Variants in ZDHHC14 observed in about 807,000 individuals in gnomAD.
ZDHHC14 encodes the protein palmitoyltransferase ZDHHC14.
A neutral mutation model predicts 47.7 loss-of-function variants in ZDHHC14; 16 were observed. The observed-to-expected ratio is 0.34, with a 90% CI of 0.23 to 0.51. The LOEUF is 0.51. ZDHHC14 is among the 20% of genes least tolerant of loss of function. The pLI is 0.97. For missense variants in ZDHHC14, 515 were observed against 662.5 expected, an observed-to-expected ratio of 0.78 and a Z score of 2.44; for synonymous variants, 293 against 278.9, an observed-to-expected ratio of 1.05 and a Z score of -0.50.
At chr6:157,629,237 T>C (rs188834553) in intron 4 of ZDHHC14, among the ~76,000 whole-genome samples, 6 of 152,356 alleles carry the variant, frequency 3.9e-5, no homozygotes, top group Admixed American at 3.3e-4. Flanking sequence ...CAATAGAAAG[T>C]GATGAGAAGG....
At chr6:157,633,173 G>A (rs1003616045) in intron 5 of ZDHHC14, among the ~76,000 whole-genome samples, 1 of 152,186 alleles carries the variant, frequency 6.6e-6, no homozygotes. Flanking sequence ...AAGTAGGGCT[G>A]TGAGCTGCAA....
intron 2 of ZDHHC14, among the ~76,000 whole-genome samples, chr6:157,567,370 G>A (rs1224079864): frequency 6.6e-6 from 1 of 152,174 alleles, no homozygotes; most frequent in East Asian, 1.9e-4. Flanking sequence ...GCCAGGCAAT[G>A]TCCACTTCTT....
intron 1 of ZDHHC14, among the ~76,000 whole-genome samples, chr6:157,509,977 G>A (rs1312991025): frequency 6.6e-6 from 1 of 152,240 alleles, no homozygotes; most frequent in Non-Finnish European, 1.5e-5. Flanking sequence ...GGGTGCGGTG[G>A]CTCACGCCTG....
At chr6:157,603,741 TC>T (rs1223960283) in intron 3 of ZDHHC14, among the ~76,000 whole-genome samples, 2 of 152,280 alleles carry the variant, frequency 1.3e-5, no homozygotes, top group Non-Finnish European at 1.5e-5. Flanking sequence ...GGTTCAGGTC[TC>T]CTCAAATGTT....
At chr6:157,559,610 C>T (rs1377585624) in intron 2 of ZDHHC14, among the ~76,000 whole-genome samples, 2 of 152,228 alleles carry the variant, frequency 1.3e-5, no homozygotes, top group Non-Finnish European at 2.9e-5. Flanking sequence ...TGTTTCCTGG[C>T]ACTTCTTCTC....
chr6:157,599,493 G>A (rs1380463882), intron 3 of ZDHHC14, among the ~76,000 whole-genome samples: 1 of 152,326 alleles, frequency 6.6e-6, no homozygotes, highest in African/African-American at 2.4e-5. Context: ...CGAAGGTGGC[G>A]ACTGCCCCAC....
intron 1 of ZDHHC14, among the ~76,000 whole-genome samples, chr6:157,396,524 T>A (rs1554255135): frequency 1.3e-5 from 2 of 152,234 alleles, no homozygotes; most frequent in Non-Finnish European, 1.5e-5. Context: ...ATTCTTGACT[T>A]AAATTATCTC....
intron 1 of ZDHHC14, among the ~76,000 whole-genome samples, chr6:157,423,251 C>T (rs147469339): frequency 0.029 from 4,365 of 152,234 alleles, 425 homozygotes; most frequent in East Asian, 0.2. Flanking sequence ...CCCCACTGGC[C>T]GGATAGTCAC....
chr6:157,394,439 C>A (rs1302902714), intron 1 of ZDHHC14, among the ~76,000 whole-genome samples: 4 of 152,214 alleles, frequency 2.6e-5, no homozygotes, highest in Non-Finnish European at 4.4e-5. Flanking sequence ...CTCTCTCTCT[C>A]ACTTGGGACG....
At chr6:157,546,903 C>T (rs534461992) in intron 2 of ZDHHC14, among the ~76,000 whole-genome samples, 40 of 152,244 alleles carry the variant, frequency 2.6e-4, no homozygotes, top group African/African-American at 8.4e-4. Flanking sequence ...GAAGTCAATG[C>T]GGAGAGTGAG....
chr6:157,491,772 G>A (rs1279585268), intron 1 of ZDHHC14, among the ~76,000 whole-genome samples: 2 of 152,208 alleles, frequency 1.3e-5, no homozygotes, highest in Non-Finnish European at 2.9e-5. Context: ...TGATTAAACA[G>A]CTCTGGCTCA....
chr6:157,669,335 G>C (rs751501452), intron 8 of ZDHHC14, among the ~76,000 whole-genome samples: 1 of 152,000 alleles, frequency 6.6e-6, no homozygotes, highest in Non-Finnish European at 1.5e-5. Flanking sequence ...AGGGGTGGTG[G>C]GGGGGGAAGA....
intron 4 of ZDHHC14, chr6:157,631,308 A>T (rs1315421887): frequency 6.6e-6 from 1 of 152,230 alleles, no homozygotes; most frequent in African/African-American, 2.4e-5. Flanking sequence ...GTCTATACTT[A>T]AATACTGTTC....
intron 1 of ZDHHC14, among the ~76,000 whole-genome samples, chr6:157,408,163 C>T (rs528891951): frequency 6.6e-5 from 10 of 152,268 alleles, no homozygotes; most frequent in South Asian, 2.1e-4. Flanking sequence ...TAATAGAAAC[C>T]GCCCAAATAA....
rs545360599 is a variant in ZDHHC14, at chr6:157,403,944, A to G, written c.245+21678A>G. 1.9e-4 allele frequency among the ~76,000 whole-genome samples: 29 copies of G among 152,322 alleles called. No individual in the cohort carries two copies. The South Asian group carries it at 4.8e-3, about 25-fold the overall frequency. On this transcript the variant is annotated intron_variant, in intron 1 of 8. Transcript: ENST00000359775. ...TGAGCATGGTGGGCACACAAACGGGAGGACTTTTCCCAGTGGGGCCTGCCT... is the reference window on the plus strand; with the variant it reads ...TGAGCATGGTGGGCACACAAACGGGGGGACTTTTCCCAGTGGGGCCTGCCT...
intron 1 of ZDHHC14, among the ~76,000 whole-genome samples, chr6:157,505,417 T>C (rs1273378824): frequency 2.0e-5 from 3 of 152,196 alleles, no homozygotes; most frequent in Non-Finnish European, 4.4e-5. Flanking sequence ...ACCTAGAATA[T>C]AACTAAGGCA....
At chr6:157,503,452 A>G (rs959522053) in intron 1 of ZDHHC14, among the ~76,000 whole-genome samples, 7 of 152,142 alleles carry the variant, frequency 4.6e-5, no homozygotes, top group East Asian at 1.9e-4. Flanking sequence ...TAGACTATCC[A>G]TGCCCTCATT....
intron 1 of ZDHHC14, among the ~76,000 whole-genome samples, chr6:157,534,397 TG>T (rs1237966133): frequency 6.6e-6 from 1 of 152,146 alleles, no homozygotes; most frequent in East Asian, 1.9e-4. Context: ...AGGACTCGAA[TG>T]GGAAATCTGG....
At chr6:157,524,179 G>T (rs919749750) in intron 1 of ZDHHC14, among the ~76,000 whole-genome samples, 3 of 151,832 alleles carry the variant, frequency 2.0e-5, no homozygotes, top group African/African-American at 4.8e-5. Flanking sequence ...GCCCAGGCTG[G>T]AGTGCAATGG....
Sources: gnomAD v4.1 joint callset for allele counts (sites outside exome capture counted in the v4.1 genomes callset) on GRCh38, gnomAD v4.1.1 for gene constraint, MANE v1.5 for transcripts, NCBI Gene and HGNC (gene_info 2026-07-23, HGNC 2026-07-21) for gene names.